The following LHPP variants were observed in gnomAD, a reference collection of about 807,000 sequenced individuals.
LHPP encodes the protein phospholysine phosphohistidine inorganic pyrophosphate phosphatase, also known as hLHPP.
LHPP carries 24 observed loss-of-function variants against 30.3 expected under a neutral mutation model. That is an observed-to-expected ratio of 0.79 (90% CI 0.57 to 1.11). The LOEUF is 1.11. Among genes scored for constraint, LHPP ranks in the 50% most tolerant of loss-of-function variants. LHPP has a pLI of 0.00. For missense variants in LHPP, 356 were observed against 367.2 expected, an observed-to-expected ratio of 0.97 and a Z score of 0.25; for synonymous variants, 150 against 157.1, an observed-to-expected ratio of 0.95 and a Z score of 0.34.
At chr10:124,572,699 AAGGG>A (rs1261302435) in intron 6 of LHPP, among the ~76,000 whole-genome samples, 1 of 141,606 alleles carries the variant, frequency 7.1e-6, no homozygotes, top group East Asian at 2.3e-4. Context: ...GGGAGGAAGG[AAGGG>A]AGGGAGGGAG....
At position 124,496,919 on chromosome 10, in the gene LHPP, CCCCGTGCTCAGCAT is replaced by C. The variant is rs904158844; in HGVS notation, c.468-32_468-19del. 1 of 1,575,414 alleles carries C rather than the reference CCCCGTGCTCAGCAT, an allele frequency of 6.3e-7. No individual in the cohort carries two copies. Among genetic ancestry groups the C allele is most frequent in the African/African-American group, 1.4e-5 (1 of 73,892 alleles). The stretch of plus-strand genomic sequence containing the variant: ...GATACTTAGCATCCTGCGGTCAGCT[CCCCGTGCTCAGCAT>C]CCCGTGCTCCGTTCTGCTCTCTCCT... On this transcript the variant is annotated intron_variant, in intron 3 of 6. Coordinates refer to ENST00000368842, the MANE Select transcript of LHPP (RefSeq NM_022126.4). This position sits in a 1 kb window ranked among gnomAD's most constrained non-coding sequence, Gnocchi z 4.3.
At chr10:124,548,956 G>A (rs1224359828) in intron 6 of LHPP, among the ~76,000 whole-genome samples, 1 of 152,234 alleles carries the variant, frequency 6.6e-6, no homozygotes, top group Non-Finnish European at 1.5e-5. Flanking sequence ...AAGGGGGACA[G>A]CCAGCGGGAC....
At chr10:124,586,326 AG>A (rs1398899029) in intron 6 of LHPP, among the ~76,000 whole-genome samples, 2 of 152,222 alleles carry the variant, frequency 1.3e-5, no homozygotes, top group African/African-American at 4.8e-5. Flanking sequence ...AGTCACCTCA[AG>A]GGGTGGGGCC....
At chr10:124,574,250 A>G (rs1180752287) in intron 6 of LHPP, among the ~76,000 whole-genome samples, 1 of 152,212 alleles carries the variant, frequency 6.6e-6, no homozygotes, top group East Asian at 1.9e-4. Context: ...GCCACAGCAA[A>G]CAGGCAGCGT....
chr10:124,494,623 C>G (rs1953650921), intron 3 of LHPP, among the ~76,000 whole-genome samples: 1 of 152,186 alleles, frequency 6.6e-6, no homozygotes, highest in African/African-American at 2.4e-5. Flanking sequence ...CGTGGCCACC[C>G]TGGTCCTCAG....
intron 1 of LHPP, among the ~76,000 whole-genome samples, chr10:124,462,759 A>G (rs1196630638): frequency 1.3e-5 from 2 of 152,084 alleles, no homozygotes; most frequent in African/African-American, 4.8e-5. Flanking sequence ...GTGCAATGGC[A>G]CGATCTCGGC....
At position 124,562,174 on chromosome 10, in the gene LHPP, G is replaced by A. The variant is rs555222471; in HGVS notation, c.716+44903G>A. 2.6e-5 allele frequency among the ~76,000 whole-genome samples: 4 copies of A among 152,206 alleles called. No homozygotes were observed. In the East Asian group the frequency reaches 7.7e-4, roughly 29 times the overall value. On this transcript the variant is annotated intron_variant, in intron 6 of 6. Coordinates refer to ENST00000368842, the MANE Select transcript of LHPP (RefSeq NM_022126.4). ...ATTAAAAAATTAGCTGAGCATGGTG[G>A]CACACACCTGTAGTCTCAGCTACTT... is the stretch of plus-strand genomic sequence containing the variant.
chr10:124,495,884 G>A (rs917963108), intron 3 of LHPP, among the ~76,000 whole-genome samples: 3 of 152,174 alleles, frequency 2.0e-5, no homozygotes, highest in East Asian at 1.9e-4. Flanking sequence ...TTTGTTGTTC[G>A]TTTTGCCCAT....
chr10:124,522,907 C>T (rs985330521), intron 6 of LHPP, among the ~76,000 whole-genome samples: 1 of 152,148 alleles, frequency 6.6e-6, no homozygotes, highest in Admixed American at 6.5e-5. Flanking sequence ...AAGGAAGAGC[C>T]GCTGGCACAT....
rs1209563931 is a variant in LHPP at position 124,478,486 on chromosome 10, G to A, written c.126-5653G>A. On this transcript the variant is annotated intron_variant, in intron 1 of 6. Coordinates refer to ENST00000368842, the MANE Select transcript of LHPP (RefSeq NM_022126.4). This position sits in a 1 kb window ranked among gnomAD's most constrained non-coding sequence, Gnocchi z 4.7. ...TCCCTCCAGCCTCAGGACCCTCGGC[G>A]GTCCCCAGAGGGCTAGCTATTGAGC... 2.0e-5 allele frequency among the ~76,000 whole-genome samples: 3 copies of A among 152,164 alleles called. No homozygotes were observed. The highest frequency in any genetic ancestry group is 4.4e-5 in the Non-Finnish European group (3 of 68,020).
intron 2 of LHPP, 23 bp from the exon 3 acceptor site, chr10:124,488,397 ACT>A: frequency 1.2e-6 from 2 of 1,612,462 alleles, no homozygotes; most frequent in Non-Finnish European, 1.7e-6. Context: ...GCTCCGTGGC[ACT>A]CTGTCTCTCT....
At chr10:124,498,491 A>G (rs548848690) in intron 5 of LHPP, 2 of 1,453,072 alleles carry the variant, frequency 1.4e-6, no homozygotes, top group South Asian at 2.9e-5. Flanking sequence ...AGGAAATAAT[A>G]AAGTCACTCA....
chr10:124,524,746 C>T (rs933725507), intron 6 of LHPP, among the ~76,000 whole-genome samples: 44 of 152,148 alleles, frequency 2.9e-4, no homozygotes, highest in African/African-American at 9.4e-4. Flanking sequence ...GCAGGAGGAT[C>T]TCTTAAACCC....
chr10:124,600,612 C>T (rs554910247), intron 6 of LHPP, among the ~76,000 whole-genome samples: 2 of 152,230 alleles, frequency 1.3e-5, no homozygotes, highest in Non-Finnish European at 2.9e-5. Flanking sequence ...AGGTGAAGTG[C>T]ATGTGGCCCC....
chr10:124,481,371 CCCTT>C (rs1194292654), intron 1 of LHPP, among the ~76,000 whole-genome samples: 1 of 98,912 alleles, frequency 1.0e-5, no homozygotes, highest in African/African-American at 3.1e-5. Context: ...CTTATCTGCC[CCCTT>C]TTTTTTTTTT....
intron 3 of LHPP, among the ~76,000 whole-genome samples, chr10:124,494,231 G>A (rs762853013): frequency 3.9e-5 from 6 of 152,148 alleles, no homozygotes; most frequent in East Asian, 1.9e-4. Flanking sequence ...AAGTGGCGCC[G>A]CGTGGGTCCC....
chr10:124,526,973 C>G (rs1426374078), intron 6 of LHPP, among the ~76,000 whole-genome samples: 1 of 152,226 alleles, frequency 6.6e-6, no homozygotes, highest in African/African-American at 2.4e-5. Context: ...CCAGGCCGGC[C>G]ACCTGCCCAA....
At chr10:124,580,192 C>T (rs1199744121) in intron 6 of LHPP, among the ~76,000 whole-genome samples, 1 of 152,246 alleles carries the variant, frequency 6.6e-6, no homozygotes, top group Non-Finnish European at 1.5e-5. Context: ...GTGCACACAT[C>T]TGCTCCCAGT....
intron 6 of LHPP, among the ~76,000 whole-genome samples, chr10:124,608,345 A>AGCCCT (rs1564851848): frequency 6.6e-6 from 1 of 151,972 alleles, no homozygotes; most frequent in Non-Finnish European, 1.5e-5. Context: ...TGGCCAGCCC[A>AGCCCT]GCCCCAGCCC....
Sources: allele counts gnomAD v4.1 joint callset (sites outside exome capture counted in the v4.1 genomes callset), GRCh38; gene constraint gnomAD v4.1.1; non-coding constraint Gnocchi (gnomAD v3.1); transcripts MANE v1.5; gene names NCBI Gene and HGNC (gene_info 2026-07-23, HGNC 2026-07-21).